PATJ: variants seen among roughly 807,000 people sequenced by gnomAD.
The protein encoded by PATJ is PATJ crumbs cell polarity complex component, also known as inaD-like protein.
Under a neutral mutation model 224.9 loss-of-function variants are expected in PATJ, and 190 were observed. The observed-to-expected ratio is 0.84, with a 90% CI of 0.75 to 0.95. The LOEUF (loss-of-function observed/expected upper bound fraction) is 0.95, where lower values mean the gene tolerates loss of function less well. Among genes scored for constraint, PATJ ranks in the 40% least tolerant of loss-of-function variants. The pLI is 0.00. For synonymous variants in PATJ, 769 were observed against 820.3 expected (o/e 0.94, Z 1.07); for missense variants, 2,121 against 2,270.3 (o/e 0.93, Z 1.34).
intron 29 of PATJ, among the ~76,000 whole-genome samples, chr1:62,019,391 G>A (rs1485434564): frequency 2.0e-5 from 3 of 151,128 alleles, no homozygotes; most frequent in Non-Finnish European, 4.4e-5. Context: ...GCCAGGTGTG[G>A]TGGCTACTCA....
chr1:62,048,317 G>C (rs1652913693), intron 30 of PATJ, among the ~76,000 whole-genome samples: 2 of 152,032 alleles, frequency 1.3e-5, no homozygotes, highest in Admixed American at 1.3e-4. Flanking sequence ...AGGCTGAGGT[G>C]GGTGGATCAC....
intron 33 of PATJ, among the ~76,000 whole-genome samples, chr1:62,099,407 G>T (rs1661862326): frequency 8.3e-6 from 1 of 120,954 alleles, no homozygotes; most frequent in Non-Finnish European, 1.6e-5. Flanking sequence ...TGTTAGGAGG[G>T]ACTTTTCCCC....
intron 7 of PATJ, among the ~76,000 whole-genome samples, chr1:61,786,507 A>G (rs578138360): frequency 1.3e-5 from 2 of 152,136 alleles, no homozygotes; most frequent in South Asian, 2.1e-4. Flanking sequence ...TCTAATAGGT[A>G]TCTAAGACAA....
At chr1:61,991,584 A>G in intron 28 of PATJ, 2 of 985,232 alleles carry the variant, frequency 2.0e-6, no homozygotes, top group Non-Finnish European at 2.4e-6. Flanking sequence ...ATCGCCATCA[A>G]CTCTTTCTTC....
chr1:61,881,026 G>A (rs1159457144), intron 21 of PATJ, among the ~76,000 whole-genome samples: 1 of 152,148 alleles, frequency 6.6e-6, no homozygotes. Context: ...CCTGGGAGGC[G>A]GAGGTTGCAG....
chr1:61,872,122 T>C (rs1666724290), intron 20 of PATJ, among the ~76,000 whole-genome samples: 1 of 151,940 alleles, frequency 6.6e-6, no homozygotes, highest in Non-Finnish European at 1.5e-5. Context: ...TTAACTTTGT[T>C]TAAGAAGTCC....
chr1:61,997,305 A>G (rs1645422264), intron 28 of PATJ, among the ~76,000 whole-genome samples: 1 of 152,154 alleles, frequency 6.6e-6, no homozygotes, highest in Admixed American at 6.5e-5. Flanking sequence ...TACTCGTAAG[A>G]TGATCTGCAA....
intron 28 of PATJ, 116 bp downstream of exon 28, chr1:61,990,480 ACTT>A (rs1645000944): frequency 1.6e-6 from 1 of 622,134 alleles, no homozygotes; most frequent in Non-Finnish European, 2.5e-6. Flanking sequence ...TCCTTCAACT[ACTT>A]AAAATCATTT....
chr1:62,130,331 C>T (rs1666128991), intron 41 of PATJ, among the ~76,000 whole-genome samples: 1 of 152,020 alleles, frequency 6.6e-6, no homozygotes, highest in African/African-American at 2.4e-5. Context: ...GAGACCCTGG[C>T]TCAAAATAAA....
intron 5 of PATJ, among the ~76,000 whole-genome samples, chr1:61,770,894 G>A (rs1646563022): frequency 6.7e-6 from 1 of 148,896 alleles, no homozygotes; most frequent in Non-Finnish European, 1.5e-5. Flanking sequence ...TGGGCAAATA[G>A]GAGTGAGACC....
At position 62,073,296 on chromosome 1, in the gene PATJ, C is replaced by T. The variant is rs989533468; in HGVS notation, c.4126-6154C>T. 19 of 985,246 alleles carry T rather than the reference C, an allele frequency of 1.9e-5. No individual in the cohort carries two copies. In the Admixed American group the frequency reaches 9.8e-4, roughly 51 times the overall value. The allele number at this position is 985,246 out of a possible 1,614,324, so 61.0% of individuals were successfully genotyped here. A position where few individuals can be genotyped will look rare whatever the true frequency, so the allele number is the denominator to read the frequency against. On this transcript the variant is annotated intron_variant, in intron 31 of 43. Transcript: ENST00000642238. ...GTTGATGCAAATATCTTGTGTTCAC[C>T]TCTCTGTCCCAACCCCCTAAACAGA...
At chr1:61,793,994 C>T (rs112033429) in intron 9 of PATJ, among the ~76,000 whole-genome samples, 1 of 150,590 alleles carries the variant, frequency 6.6e-6, no homozygotes, top group African/African-American at 2.4e-5. Flanking sequence ...CCTCCATCTC[C>T]CAGGTTCAAG....
At chr1:62,124,941 G>C (rs1333906271) in intron 39 of PATJ, among the ~76,000 whole-genome samples, 2 of 152,080 alleles carry the variant, frequency 1.3e-5, no homozygotes, top group Non-Finnish European at 2.9e-5. Flanking sequence ...TACATTAGCT[G>C]TACAGCTGGG....
At chr1:62,046,241 G>T (rs2148559145) in intron 30 of PATJ, among the ~76,000 whole-genome samples, 1 of 149,252 alleles carries the variant, frequency 6.7e-6, no homozygotes, top group South Asian at 2.2e-4. Context: ...AGGAAGGGAG[G>T]GAGGGAGGGA....
chr1:62,089,397 A>T (rs1473802470), intron 33 of PATJ, among the ~76,000 whole-genome samples: 1 of 151,984 alleles, frequency 6.6e-6, no homozygotes, highest in Non-Finnish European at 1.5e-5. Context: ...TAAAAAAAAA[A>T]AAAAATCAAG....
intron 14 of PATJ, among the ~76,000 whole-genome samples, chr1:61,816,084 A>G (rs1232250675): frequency 2.0e-5 from 3 of 150,910 alleles, no homozygotes; most frequent in African/African-American, 7.3e-5. Context: ...TGACAAATTT[A>G]ACTTTATTTC....
chr1:61,799,024 G>A (rs1353777596), intron 11 of PATJ, among the ~76,000 whole-genome samples: 4 of 152,070 alleles, frequency 2.6e-5, no homozygotes, highest in East Asian at 3.9e-4. Context: ...GCTTTCAGCC[G>A]ATAGTGATTT....
In PATJ at chr1:62,114,255, G is replaced by C. The variant is rs748629944; in HGVS notation, c.4655+9G>C. ...AGCATCGTTGGGAAACGGTAAAGAC[G>C]TGCTGTGGGAGTTGGGATCTGCCTT... On this transcript the variant is annotated intron_variant, in intron 35 of 43. Transcript: ENST00000642238. 6.2e-7 allele frequency: 1 copy of C among 1,612,580 alleles called. No individual in the cohort carries two copies. Among genetic ancestry groups the C allele is most frequent in the Non-Finnish European group, 8.5e-7 (1 of 1,179,346 alleles).
chr1:62,134,172 C>T (rs1000383422), intron 41 of PATJ, among the ~76,000 whole-genome samples: 3 of 150,102 alleles, frequency 2.0e-5, no homozygotes, highest in African/African-American at 7.3e-5. Context: ...TTATTCTCTT[C>T]ATCTGAAACA....
Sources: allele counts gnomAD v4.1 joint callset (sites outside exome capture counted in the v4.1 genomes callset), GRCh38; gene constraint gnomAD v4.1.1; transcripts MANE v1.5; gene names NCBI Gene and HGNC (gene_info 2026-07-23, HGNC 2026-07-21).